NCOR1: variants seen among roughly 807,000 people sequenced by gnomAD.
The protein encoded by NCOR1 is nuclear receptor corepressor 1, also known as protein phosphatase 1, regulatory subunit 109.
NCOR1 carries 63 observed loss-of-function variants against 288.1 expected under a neutral mutation model. The ratio of observed to expected loss-of-function variants is 0.22; its 90% CI spans 0.18 to 0.27. The LOEUF (loss-of-function observed/expected upper bound fraction) is 0.27. Ranked by LOEUF, NCOR1 falls within the 10% of genes least tolerant of loss-of-function variation. The pLI is 1.00. For synonymous variants in NCOR1, 1,007 were observed against 1,065.9 expected (o/e 0.94, Z 1.08); for missense variants, 2,397 against 3,019.2 (o/e 0.79, Z 4.83).
At chr17:16,117,781 T>C in intron 18 of NCOR1, 107 bp downstream of exon 18, 1 of 1,218,708 alleles carries the variant, frequency 8.2e-7, no homozygotes, top group East Asian at 2.6e-5. Flanking sequence ...AAGATTGCAC[T>C]GCTGCACTCT....
Position 16,034,758 on chromosome 17 carries a change from T to C in NCOR1, c.7135+7A>G, listed in dbSNP as rs754471658. The C allele has an allele frequency of 3.1e-6, 5 of 1,608,384 alleles. No homozygotes were observed. The South Asian group carries it at 3.3e-5, about 11-fold the overall frequency. The stretch of plus-strand genomic sequence containing the variant: ...TCTCATTTTCTAAGTTAAAGCAGAA[T>C]CCTTACCTGTTGAAGAGGGCCTGTC... On this transcript the variant is annotated splice_region_variant and intron_variant, in intron 45 of 45. Transcript: ENST00000268712.
rs200383092 is a variant in NCOR1, at chr17:16,074,455, CAG to C, written c.3671-888_3671-887del. On this transcript the variant is annotated intron_variant, in intron 27 of 45. Transcript: ENST00000268712. Reference sequence around the variant, plus strand: ...GTGATTTGGTGGATGTGGAAAGAAACAGAGGTGTGTAGACTTCTGATATGGAC... The same window carrying C: ...GTGATTTGGTGGATGTGGAAAGAAACAGGTGTGTAGACTTCTGATATGGAC... Among the ~76,000 whole-genome samples the C allele has an allele frequency of 7.3e-3, 1,108 of 152,244 alleles. 6 individuals are homozygous for C. Among genetic ancestry groups the C allele is most frequent in the Non-Finnish European group, 0.012 (792 of 68,018 alleles).
At chr17:16,066,091 T>C (rs1005607511) in intron 32 of NCOR1, among the ~76,000 whole-genome samples, 1 of 152,222 alleles carries the variant, frequency 6.6e-6, no homozygotes, top group African/African-American at 2.4e-5. Context: ...TCAGTAACTT[T>C]ACTCTCCAGG....
intron 2 of NCOR1, among the ~76,000 whole-genome samples, chr17:16,188,089 T>C (rs2087120593): frequency 6.6e-6 from 1 of 152,082 alleles, no homozygotes. Context: ...ATAATGAATA[T>C]ATTAAAAGCT....
intron 10 of NCOR1, 72 bp downstream of exon 10, chr17:16,146,304 A>C: frequency 1.4e-6 from 2 of 1,431,636 alleles, no homozygotes; most frequent in Non-Finnish European, 1.9e-6. Flanking sequence ...CATACTAAAA[A>C]AATTTTTAAA....
At chr17:16,211,422 T>C (rs553140076) in intron 1 of NCOR1, among the ~76,000 whole-genome samples, 86 of 152,050 alleles carry the variant, frequency 5.7e-4, no homozygotes, top group African/African-American at 1.8e-3. Flanking sequence ...TTTGTAGAGA[T>C]GGGACTCGCT....
At chr17:16,044,997 A>C (rs1011668541) in intron 42 of NCOR1, 11 of 477,742 alleles carry the variant, frequency 2.3e-5, no homozygotes, top group African/African-American at 6.0e-5. Context: ...AGCTGAACTT[A>C]AGAAAAAAAA....
chr17:16,146,064 A>G (rs2077953034), intron 10 of NCOR1, among the ~76,000 whole-genome samples: 1 of 152,186 alleles, frequency 6.6e-6, no homozygotes, highest in African/African-American at 2.4e-5. Flanking sequence ...GGGCAGTGCA[A>G]GATGTGCTTT....
chr17:16,041,634 C>T (rs1385647310), intron 42 of NCOR1, among the ~76,000 whole-genome samples: 3 of 151,672 alleles, frequency 2.0e-5, no homozygotes, highest in Non-Finnish European at 4.4e-5. Context: ...AGGCTGGTCT[C>T]GAACTCCTGA....
At chr17:16,034,506 G>A (rs926901769) in intron 45 of NCOR1, among the ~76,000 whole-genome samples, 7 of 152,052 alleles carry the variant, frequency 4.6e-5, no homozygotes, top group African/African-American at 1.4e-4. Context: ...TACTTGGGTC[G>A]CTCAGGTGAG....
rs575533715 is a variant in NCOR1 at position 16,058,536 on chromosome 17, G to A, written c.5945C>T (p.Pro1982Leu). The change falls in exon 38 of 46, where the codon CCT becomes CTT. Residue 1982 changes from proline (P) to leucine (L), a missense_variant. Transcript: ENST00000268712. Reference protein sequence around the residue: ...AIEVISPASSPAPPQEKLQTY... With the variant: ...AIEVISPASSLAPPQEKLQTY... ...CTGCAGTTTCTCCTGGGGTGGCGCA[G>A]GTGAGCTGGCAGGACTTATCACCTC... 1.2e-6 allele frequency: 2 copies of A among 1,614,062 alleles called. No homozygotes were observed. The highest frequency in any genetic ancestry group is 1.7e-6 in the Non-Finnish European group (2 of 1,179,938).
At chr17:16,092,678 TA>T (rs1567958835) in intron 21 of NCOR1, among the ~76,000 whole-genome samples, 362 of 25,002 alleles carry the variant, frequency 0.014, 28 homozygotes, top group Middle Eastern at 0.014. Context: ...TATATATATA[TA>T]TATATATATA....
chr17:16,073,280 G>C (rs1376979839), intron 28 of NCOR1, 149 bp downstream of exon 28: 1 of 655,836 alleles, frequency 1.5e-6, no homozygotes, highest in Non-Finnish European at 2.3e-6. Flanking sequence ...ATATATTTCA[G>C]GTGGAAATGA....
chr17:16,215,444 G>T lies in NCOR1; in HGVS notation c.-153C>A. 1 of 397,456 alleles carries T rather than the reference G, an allele frequency of 2.5e-6. No individual in the cohort carries two copies. The highest frequency in any genetic ancestry group is 1.3e-4 in the South Asian group (1 of 7,838). 24.6% of individuals were successfully genotyped at this position (397,456 alleles called of 1,614,324 possible). A position where few individuals can be genotyped will look rare whatever the true frequency, so the allele number is the denominator to read the frequency against. On this transcript the variant is annotated 5_prime_UTR_variant, in exon 1 of 46. Transcript: ENST00000268712. ...GCCACGGCGCGCGGCCCTACACCGG[G>T]ACCTCGTTCGGCGCGGCGAGTCGGA...
intron 18 of NCOR1, among the ~76,000 whole-genome samples, chr17:16,114,335 G>C (rs1381750698): frequency 6.6e-6 from 1 of 151,944 alleles, no homozygotes; most frequent in Non-Finnish European, 1.5e-5. Flanking sequence ...GATGAGATTT[G>C]GGTGGGGACA....
At chr17:16,098,704 G>T in intron 20 of NCOR1, 1 of 377,222 alleles carries the variant, frequency 2.7e-6, no homozygotes, top group Non-Finnish European at 4.7e-6. Flanking sequence ...ACTGAATATC[G>T]TACTCACTTC....
chr17:16,077,022 C>T (rs1280223151), intron 26 of NCOR1, among the ~76,000 whole-genome samples: 1 of 152,162 alleles, frequency 6.6e-6, no homozygotes, highest in East Asian at 1.9e-4. Context: ...TCATCTGCCA[C>T]ATTCACCTGA....
At chr17:16,074,631 G>GA (rs1198878210) in intron 27 of NCOR1, among the ~76,000 whole-genome samples, 1 of 152,184 alleles carries the variant, frequency 6.6e-6, no homozygotes, top group African/African-American at 2.4e-5. Flanking sequence ...TGTATTGGAA[G>GA]AGAAAGCATA....
At chr17:16,091,819 T>A in intron 22 of NCOR1, 44 bp downstream of exon 22, 1 of 1,612,204 alleles carries the variant, frequency 6.2e-7, no homozygotes, top group Non-Finnish European at 8.5e-7. Flanking sequence ...TTAGCTTTAT[T>A]TCCCTTCATA....
Sources: gnomAD v4.1 joint callset for allele counts (sites outside exome capture counted in the v4.1 genomes callset) on GRCh38, gnomAD v4.1.1 for gene constraint, MANE v1.5 for transcripts, NCBI Gene and HGNC (gene_info 2026-07-23, HGNC 2026-07-21) for gene names.